The following KIF13A variants were observed in gnomAD, a reference collection of about 807,000 sequenced individuals.
The protein encoded by KIF13A is kinesin-like protein KIF13A.
A neutral mutation model predicts 212.2 loss-of-function variants in KIF13A; 79 were observed. That is an observed-to-expected ratio of 0.37 (90% CI 0.31 to 0.45). KIF13A has a LOEUF of 0.45. KIF13A is among the 20% of genes least tolerant of loss of function. The pLI is 1.00. For missense variants in KIF13A, 1,901 were observed against 2,209.0 expected (o/e 0.86, Z 2.79); for synonymous variants, 789 against 808.6 (o/e 0.98, Z 0.41).
At chr6:17,952,171 G>A (rs980220211) in intron 2 of KIF13A, among the ~76,000 whole-genome samples, 3 of 151,948 alleles carry the variant, frequency 2.0e-5, no homozygotes, top group Non-Finnish European at 4.4e-5. Context: ...AGGTATGGTG[G>A]CAGGCTTCTG....
At chr6:17,791,720 G>C (rs1175908998) in intron 25 of KIF13A, among the ~76,000 whole-genome samples, 1 of 148,212 alleles carries the variant, frequency 6.7e-6, no homozygotes, top group East Asian at 2.0e-4. Context: ...GGCCAACATG[G>C]TGAAACCCGT....
chr6:17,969,247 A>G (rs1472490467), intron 2 of KIF13A, among the ~76,000 whole-genome samples: 1 of 152,246 alleles, frequency 6.6e-6, no homozygotes, highest in East Asian at 1.9e-4. Context: ...TGAACTGGTC[A>G]CTGTCTTTAT....
intron 2 of KIF13A, among the ~76,000 whole-genome samples, chr6:17,929,227 A>T (rs933057498): frequency 6.6e-6 from 1 of 151,974 alleles, no homozygotes. Flanking sequence ...ACAGAGAGAG[A>T]GAGACAAGGT....
At chr6:17,844,979 C>T (rs1766876611) in intron 9 of KIF13A, among the ~76,000 whole-genome samples, 1 of 152,174 alleles carries the variant, frequency 6.6e-6, no homozygotes, top group Non-Finnish European at 1.5e-5. Context: ...AGTCCATTTT[C>T]ATGCTGCTGA....
At chr6:17,802,932 G>GTT (rs750485926) in intron 20 of KIF13A, among the ~76,000 whole-genome samples, 22 of 111,112 alleles carry the variant, frequency 2.0e-4, no homozygotes, top group Non-Finnish European at 2.8e-4. Context: ...TGTTTTTTTT[G>GTT]TTTTTTTTTG....
At chr6:17,875,251 T>C (rs537013621) in intron 3 of KIF13A, among the ~76,000 whole-genome samples, 1 of 152,256 alleles carries the variant, frequency 6.6e-6, no homozygotes, top group African/African-American at 2.4e-5. Flanking sequence ...GTGGTTGTAC[T>C]AGTTTACATT....
chr6:17,960,358 T>C (rs1778709679), intron 2 of KIF13A, among the ~76,000 whole-genome samples: 1 of 152,230 alleles, frequency 6.6e-6, no homozygotes, highest in African/African-American at 2.4e-5. Context: ...CCAATGTTTG[T>C]TGACTAAACT....
chr6:17,761,971 G>A (rs904529836), downstream of KIF13A, among the ~76,000 whole-genome samples: 1 of 152,146 alleles, frequency 6.6e-6, no homozygotes, highest in Non-Finnish European at 1.5e-5. Flanking sequence ...GGAAGGGTTT[G>A]TGAATACCTT....
At chr6:17,797,827 G>A (rs564078398) in intron 22 of KIF13A, among the ~76,000 whole-genome samples, 1 of 152,304 alleles carries the variant, frequency 6.6e-6, no homozygotes, top group African/African-American at 2.4e-5. Flanking sequence ...GAACCCAGGA[G>A]TTCGAGGCTG....
intron 2 of KIF13A, among the ~76,000 whole-genome samples, chr6:17,983,663 T>C (rs1237900788): frequency 1.3e-5 from 2 of 152,074 alleles, no homozygotes; most frequent in Admixed American, 6.6e-5. Context: ...AATTTTTATA[T>C]TTTTAGGAGA....
At chr6:17,807,328 A>G (rs1023484861) in intron 18 of KIF13A, among the ~76,000 whole-genome samples, 5 of 152,026 alleles carry the variant, frequency 3.3e-5, no homozygotes, top group Admixed American at 2.6e-4. Flanking sequence ...AAGAAATATT[A>G]ATATTAATAC....
rs1199755203 is a variant in KIF13A, at chr6:17,826,658, G to A, written c.1533-534C>T. Among the ~76,000 whole-genome samples, 1 of 151,942 alleles carries A rather than the reference G, an allele frequency of 6.6e-6. No individual in the cohort carries two copies. The highest frequency in any genetic ancestry group is 1.5e-5 in the Non-Finnish European group (1 of 68,008). On this transcript the variant is annotated intron_variant, in intron 14 of 38. Transcript: ENST00000259711. The surrounding 1 kb of genome is among the most constrained non-coding windows in gnomAD (Gnocchi z 4.7). The stretch of plus-strand genomic sequence containing the variant: ...CCATTTGTTAAAAGAGATCTAAGAG[G>A]AATACTATAAAACAATGGTAGGATC...
Position 17,856,254 on chromosome 6 carries a change from G to A in KIF13A, c.221-132C>T, listed in dbSNP as rs1386890081. 7 of 632,562 alleles carry A rather than the reference G, an allele frequency of 1.1e-5. No homozygotes were observed. The highest frequency in any genetic ancestry group is 1.1e-4 in the Admixed American group (4 of 36,798). 39.2% of individuals were successfully genotyped at this position (632,562 alleles called of 1,614,324 possible). A position where few individuals can be genotyped will look rare whatever the true frequency, so the allele number is the denominator to read the frequency against. ...GTACCGAGTGCCCACTAAGTACAGG[G>A]CTGTGTATTAAGAGCTTGATATATG... On this transcript the variant is annotated intron_variant, in intron 4 of 38. Coordinates refer to ENST00000259711, the MANE Select transcript of KIF13A (RefSeq NM_022113.6). This position sits in a 1 kb window ranked among gnomAD's most constrained non-coding sequence, Gnocchi z 4.5.
intron 2 of KIF13A, among the ~76,000 whole-genome samples, chr6:17,916,212 A>G (rs1774502338): frequency 6.6e-6 from 1 of 152,230 alleles, no homozygotes. Context: ...ACAGCAAACT[A>G]GGAATACAAG....
In KIF13A at chr6:17,934,949, A is replaced by C. The variant is rs972297653; in HGVS notation, c.147-36769T>G. Among the ~76,000 whole-genome samples, 5 of 152,118 alleles carry C rather than the reference A, an allele frequency of 3.3e-5. No homozygotes were observed. Among genetic ancestry groups the C allele is most frequent in the Admixed American group, 3.3e-4 (5 of 15,266 alleles). On this transcript the variant is annotated intron_variant, in intron 2 of 38. Transcript: ENST00000259711. This position sits in a 1 kb window ranked among gnomAD's most constrained non-coding sequence, Gnocchi z 5.4. ...TTGCAGTGAGGCAGATCCTGTATTGATTTATTACTGCAATACCTGAAGCAA... is the reference window on the plus strand; with the variant it reads ...TTGCAGTGAGGCAGATCCTGTATTGCTTTATTACTGCAATACCTGAAGCAA...
At chr6:17,801,780 T>A (rs920938631) in intron 20 of KIF13A, among the ~76,000 whole-genome samples, 2 of 152,054 alleles carry the variant, frequency 1.3e-5, no homozygotes, top group African/African-American at 4.8e-5. Flanking sequence ...GAAGGAGGGC[T>A]CCATAAAGCA....
rs1335818372 is a variant in KIF13A at position 17,785,194 on chromosome 6, TATTC to T, written c.3488+317_3488+320del. Among the ~76,000 whole-genome samples the T allele has an allele frequency of 1.3e-5, 2 of 152,228 alleles. No homozygotes were observed. Among genetic ancestry groups the T allele is most frequent in the African/African-American group, 4.8e-5 (2 of 41,468 alleles). On this transcript the variant is annotated intron_variant, in intron 28 of 38. Transcript: ENST00000259711. The surrounding 1 kb of genome is among the most constrained non-coding windows in gnomAD (Gnocchi z 5.8). ...AGCTCCACTAATATATTTTCTGTCC[TATTC>T]AAATACTTTCCAGCCAAGATAAAAG... is the stretch of plus-strand genomic sequence containing the variant.
chr6:17,867,634 A>G (rs1054855340), intron 4 of KIF13A, among the ~76,000 whole-genome samples: 1 of 152,226 alleles, frequency 6.6e-6, no homozygotes, highest in Non-Finnish European at 1.5e-5. Context: ...GAGCACAAGA[A>G]GTGTGACTCC....
Position 17,808,318 on chromosome 6 carries a change from G to A in KIF13A, c.2163+450C>T, listed in dbSNP as rs1249790970. ...GGAGAATTGCTTGAACCCAGGAGGCGGAGATTGCAGTGAGCTGAGATCATG... is the reference window on the plus strand; with the variant it reads ...GGAGAATTGCTTGAACCCAGGAGGCAGAGATTGCAGTGAGCTGAGATCATG... On this transcript the variant is annotated intron_variant, in intron 18 of 38. Coordinates refer to ENST00000259711, the MANE Select transcript of KIF13A (RefSeq NM_022113.6). Among the ~76,000 whole-genome samples the A allele has an allele frequency of 3.9e-5, 6 of 152,128 alleles. No homozygotes were observed. In the East Asian group the frequency reaches 7.7e-4, roughly 20 times the overall value.
Sources: gnomAD v4.1 joint callset for allele counts (sites outside exome capture counted in the v4.1 genomes callset) on GRCh38, gnomAD v4.1.1 for gene constraint, Gnocchi (gnomAD v3.1) non-coding constraint, MANE v1.5 for transcripts, NCBI Gene and HGNC (gene_info 2026-07-23, HGNC 2026-07-21) for gene names.